The following DUSP14 variants were observed in gnomAD, a reference collection of about 807,000 sequenced individuals.
DUSP14 encodes the protein dual specificity phosphatase 14.
In DUSP14, 5 loss-of-function variants were observed where a neutral mutation model predicts 13.2. The observed-to-expected ratio is 0.38, with a 90% CI of 0.20 to 0.80. The LOEUF (loss-of-function observed/expected upper bound fraction) is 0.80, where lower values mean the gene tolerates loss of function less well. DUSP14 is among the 30% of genes least tolerant of loss of function. DUSP14 has a pLI of 0.44. For synonymous variants in DUSP14, 91 were observed against 103.4 expected (o/e 0.88, Z 0.73); for missense variants, 185 against 264.0 (o/e 0.70, Z 2.07).
At chr17:37,502,866 A>AT (rs1246837422) in intron 1 of DUSP14, among the ~76,000 whole-genome samples, 1 of 151,856 alleles carries the variant, frequency 6.6e-6, no homozygotes, top group Non-Finnish European at 1.5e-5. Flanking sequence ...TTTCTACTGT[A>AT]TTTTTTTGTT....
chr17:37,506,752 TG>T (rs2054140699), intron 1 of DUSP14, among the ~76,000 whole-genome samples: 2 of 152,160 alleles, frequency 1.3e-5, no homozygotes, highest in Admixed American at 1.3e-4. Flanking sequence ...GTGCCTACTC[TG>T]GGGCTGCTCC....
chr17:37,496,494 G>A (rs780696094), intron 1 of DUSP14, among the ~76,000 whole-genome samples: 6 of 152,036 alleles, frequency 3.9e-5, no homozygotes, highest in Admixed American at 2.0e-4. Flanking sequence ...GGTAGCTCAT[G>A]CCTGTAATCC....
At chr17:37,504,229 G>C (rs2143094872) in intron 1 of DUSP14, among the ~76,000 whole-genome samples, 1 of 152,244 alleles carries the variant, frequency 6.6e-6, no homozygotes, top group South Asian at 2.1e-4. Flanking sequence ...GCTTCTCTTA[G>C]CCTCAGCAAA....
Position 37,511,058 on chromosome 17 carries a change from T to C in DUSP14, c.-93+294T>C, listed in dbSNP as rs182416760. The stretch of plus-strand genomic sequence containing the variant: ...CATTTAATAGCAAACACTGGAATAA[T>C]GAGAGGATAGTGACGTTCAGACGTT... On this transcript the variant is annotated intron_variant, in intron 2 of 2. Transcript: ENST00000617516. 3.9e-5 allele frequency among the ~76,000 whole-genome samples: 6 copies of C among 151,994 alleles called. No individual in the cohort carries two copies. In the East Asian group the frequency reaches 1.2e-3, roughly 29 times the overall value.
Position 37,513,482 on chromosome 17 carries a change from T to C in DUSP14, c.*613T>C, listed in dbSNP as rs1259278996. Reference sequence around the variant, plus strand: ...TTATATTAGCATTATTTTTAATAAATCTATATGCTTAACATATTAGAATTT... The same window carrying C: ...TTATATTAGCATTATTTTTAATAAACCTATATGCTTAACATATTAGAATTT... On this transcript the variant is annotated 3_prime_UTR_variant, in exon 3 of 3. Coordinates refer to ENST00000617516, the MANE Select transcript of DUSP14 (RefSeq NM_007026.4). The C allele has an allele frequency of 6.0e-6, 1 of 167,064 alleles. No individual in the cohort carries two copies. Among genetic ancestry groups the C allele is most frequent in the African/African-American group, 2.4e-5 (1 of 41,454 alleles). The allele number at this position is 167,064 out of a possible 1,614,324, so 10.3% of individuals were successfully genotyped here.
At chr17:37,500,785 T>A (rs1484844508) in intron 1 of DUSP14, among the ~76,000 whole-genome samples, 1 of 152,160 alleles carries the variant, frequency 6.6e-6, no homozygotes, top group Non-Finnish European at 1.5e-5. Context: ...TTTTGCGAGC[T>A]TTTTATTGGA....
chr17:37,506,044 C>T (rs1169236305), intron 1 of DUSP14, among the ~76,000 whole-genome samples: 3 of 152,042 alleles, frequency 2.0e-5, no homozygotes, highest in African/African-American at 4.8e-5. Context: ...AGGTGGATCA[C>T]CTGAGGTCAG....
intron 1 of DUSP14, among the ~76,000 whole-genome samples, chr17:37,502,188 T>G (rs561908435): frequency 5.3e-5 from 8 of 151,918 alleles, no homozygotes; most frequent in Non-Finnish European, 1.2e-4. Context: ...TACAAGTCCC[T>G]GTTTTTTTTT....
intron 1 of DUSP14, among the ~76,000 whole-genome samples, chr17:37,494,196 T>C (rs1169869689): frequency 6.6e-6 from 1 of 152,110 alleles, no homozygotes; most frequent in Non-Finnish European, 1.5e-5. Context: ...GGTTTCACCA[T>C]GTTAGTCAGA....
chr17:37,508,749 A>G (rs1026089619), intron 1 of DUSP14, among the ~76,000 whole-genome samples: 54 of 148,038 alleles, frequency 3.6e-4, no homozygotes, highest in Admixed American at 7.5e-4. Flanking sequence ...ATATATATAT[A>G]TATGTATGTA....
intron 2 of DUSP14, among the ~76,000 whole-genome samples, chr17:37,511,498 C>G (rs2054184785): frequency 6.6e-6 from 1 of 151,704 alleles, no homozygotes; most frequent in Non-Finnish European, 1.5e-5. Flanking sequence ...CCAGGCTGGT[C>G]TCGAACTCCT....
chr17:37,501,337 T>A (rs1234005146), intron 1 of DUSP14, among the ~76,000 whole-genome samples: 1 of 152,208 alleles, frequency 6.6e-6, no homozygotes, highest in Non-Finnish European at 1.5e-5. Context: ...GGGATCTTGT[T>A]AACCTGCTGG....
chr17:37,499,174 C>T (rs962669993), intron 1 of DUSP14, among the ~76,000 whole-genome samples: 1 of 152,116 alleles, frequency 6.6e-6, no homozygotes, highest in Non-Finnish European at 1.5e-5. Context: ...ACCATCAGGT[C>T]TCATGCAACT....
chr17:37,510,542 A>T (rs2054176458), intron 1 of DUSP14, 135 bp from the exon 2 acceptor site: 1 of 152,096 alleles, frequency 6.6e-6, no homozygotes. Flanking sequence ...CTTTAAATGC[A>T]CACCTGCGAA....
At chr17:37,502,216 C>G (rs942987555) in intron 1 of DUSP14, among the ~76,000 whole-genome samples, 3 of 151,828 alleles carry the variant, frequency 2.0e-5, no homozygotes, top group Admixed American at 6.6e-5. Context: ...GAGACTTGCT[C>G]TGTTCCCCAG....
chr17:37,513,131 G>GAAC lies in DUSP14; in HGVS notation c.*264_*266dup. Reference sequence around the variant, plus strand: ...AGCTTTTAATCATTTTTACCAATTTGAACAGTTTAATAAACTGGTTCTGCT... The same window carrying GAAC: ...AGCTTTTAATCATTTTTACCAATTTGAACAACAGTTTAATAAACTGGTTCTGCT... On this transcript the variant is annotated 3_prime_UTR_variant, in exon 3 of 3. Coordinates refer to ENST00000617516, the MANE Select transcript of DUSP14 (RefSeq NM_007026.4). 1 of 511,938 alleles carries GAAC rather than the reference G, an allele frequency of 2.0e-6. No homozygotes were observed. The allele number at this position is 511,938 out of a possible 1,614,324, so 31.7% of individuals were successfully genotyped here. A position where few individuals can be genotyped will look rare whatever the true frequency, so the allele number is the denominator to read the frequency against.
At chr17:37,491,008 C>G (rs2054024424) in intron 1 of DUSP14, among the ~76,000 whole-genome samples, 1 of 152,140 alleles carries the variant, frequency 6.6e-6, no homozygotes, top group African/African-American at 2.4e-5. Context: ...ACTTAAGAGT[C>G]AGAGAGGCCG....
intron 1 of DUSP14, among the ~76,000 whole-genome samples, chr17:37,509,619 G>A (rs1183574409): frequency 6.6e-6 from 1 of 151,946 alleles, no homozygotes; most frequent in African/African-American, 2.4e-5. Flanking sequence ...ACCACGCTTG[G>A]CCTATATATA....
chr17:37,496,862 G>T (rs1006323979), intron 1 of DUSP14, among the ~76,000 whole-genome samples: 2 of 146,766 alleles, frequency 1.4e-5, no homozygotes, highest in African/African-American at 5.1e-5. Context: ...GTTGCAGTGA[G>T]CAGAGATTGA....
Sources: gnomAD v4.1 joint callset for allele counts (sites outside exome capture counted in the v4.1 genomes callset) on GRCh38, gnomAD v4.1.1 for gene constraint, MANE v1.5 for transcripts, NCBI Gene and HGNC (gene_info 2026-07-23, HGNC 2026-07-21) for gene names.